The following SLC1A6 variants were observed in gnomAD, a reference collection of about 807,000 sequenced individuals.
The protein encoded by SLC1A6 is solute carrier family 1 member 6.
SLC1A6 carries 15 observed loss-of-function variants against 42.1 expected under a neutral mutation model. The observed-to-expected ratio is 0.36, with a 90% CI of 0.24 to 0.55. The LOEUF (loss-of-function observed/expected upper bound fraction) is 0.55, where lower values mean the gene tolerates loss of function less well. Ranked by LOEUF, SLC1A6 falls within the 20% of genes least tolerant of loss-of-function variation. The pLI is 0.88. For missense variants in SLC1A6, 542 were observed against 772.5 expected (o/e 0.70, Z 3.54); for synonymous variants, 317 against 319.7 (o/e 0.99, Z 0.09).
In SLC1A6 at chr19:14,956,593, A is replaced by T. The variant is rs767901446; in HGVS notation, c.1052T>A (p.Phe351Tyr). Residue 351 changes from phenylalanine (F) to tyrosine (Y), a missense_variant, in exon 7 of 10, where the codon TTC becomes TAC. Coordinates refer to ENST00000594383, the MANE Select transcript of SLC1A6 (RefSeq NM_005071.3). ...GGGAAGGACAATGCCGGCATGGAGG[A>T]ACAGGCCCACGATGACGGTCAGGGT... ...MYTLTVIVGL[F>Y]LHAGIVLPLI... The T allele has an allele frequency of 8.1e-6, 13 of 1,613,862 alleles. No homozygotes were observed. Among genetic ancestry groups the T allele is most frequent in the Non-Finnish European group, 1.1e-5 (13 of 1,179,902 alleles).
intron 8 of SLC1A6, 47 bp downstream of exon 8, chr19:14,954,088 A>T: frequency 6.3e-6 from 8 of 1,262,364 alleles, no homozygotes; most frequent in East Asian, 2.5e-5. Context: ...CAAGCTGATG[A>T]CCGCTTAAGT....
intron 4 of SLC1A6, among the ~76,000 whole-genome samples, chr19:14,967,275 C>T (rs924523759): frequency 6.6e-6 from 1 of 152,140 alleles, no homozygotes; most frequent in African/African-American, 2.4e-5. Flanking sequence ...GGAGCCTGTC[C>T]CCTTTGTCTC....
intron 5 of SLC1A6, chr19:14,963,994 T>A: frequency 7.6e-6 from 1 of 131,598 alleles, no homozygotes; most frequent in African/African-American, 3.7e-5. Flanking sequence ...TTTTTTTTAA[T>A]CTTTTTTTTT....
chr19:15,004,529 C>G (rs1010766436), intron 1 of SLC1A6, among the ~76,000 whole-genome samples: 1 of 119,146 alleles, frequency 8.4e-6, no homozygotes, highest in East Asian at 2.5e-4. Flanking sequence ...ATAGCAAGAC[C>G]TCACCTCTAC....
chr19:15,009,176 A>G (rs1035957561), intron 1 of SLC1A6, among the ~76,000 whole-genome samples: 9 of 139,944 alleles, frequency 6.4e-5, no homozygotes, highest in African/African-American at 2.7e-4. Context: ...GCATATATAT[A>G]GCATATCTAT....
Position 14,979,777 on chromosome 19 carries a change from CG to C in SLC1A6, c.-477del, listed in dbSNP as rs1392488431. 2.6e-5 allele frequency: 4 copies of C among 151,264 alleles called. No individual in the cohort carries two copies. The highest frequency in any genetic ancestry group is 4.9e-5 in the African/African-American group (2 of 41,084). 9.4% of individuals were successfully genotyped at this position (151,264 alleles called of 1,614,324 possible). On this transcript the variant is annotated 5_prime_UTR_variant, in exon 1 of 10. In the 5' UTR this introduces an upstream ATG that the reference lacks. Coordinates refer to ENST00000594383, the MANE Select transcript of SLC1A6 (RefSeq NM_005071.3). The surrounding 1 kb of genome is among the most constrained non-coding windows in gnomAD (Gnocchi z 4.2). Reference sequence around the variant, plus strand: ...GGGGGAGGGGGCGGGATCCCCTCCGCGATGCCCTCCGCCTCCCCCGCGCCCA... The same window carrying C: ...GGGGGAGGGGGCGGGATCCCCTCCGCATGCCCTCCGCCTCCCCCGCGCCCA...
chr19:14,989,366 A>G (rs910372556), intron 1 of SLC1A6, among the ~76,000 whole-genome samples: 3 of 151,954 alleles, frequency 2.0e-5, no homozygotes, highest in Non-Finnish European at 4.4e-5. Flanking sequence ...GGTTCAAGCA[A>G]TTCTCCTGCC....
At chr19:15,001,563 T>C (rs940158857) in intron 1 of SLC1A6, among the ~76,000 whole-genome samples, 2 of 152,080 alleles carry the variant, frequency 1.3e-5, no homozygotes, top group African/African-American at 4.8e-5. Context: ...GGTAAGAAAT[T>C]GGGATTCTGT....
chr19:14,954,229 T>C lies in SLC1A6; in HGVS notation c.1270A>G (p.Met424Val), dbSNP rs1268488805. ...GCCTCGTAGAGGGCAGTGCCATCCATGTTGACCGTGGCGCCCACGGGCAGG... is the reference window on the plus strand; with the variant it reads ...GCCTCGTAGAGGGCAGTGCCATCCACGTTGACCGTGGCGCCCACGGGCAGG... Reference protein sequence around the residue: ...FVLPVGATVNMDGTALYEALA... With the variant: ...FVLPVGATVNVDGTALYEALA... Residue 424 changes from methionine (M) to valine (V), a missense_variant, in exon 8 of 10, where the codon ATG (methionine) becomes GTG (valine). Around this residue, in one of 6 missense-constraint regions of SLC1A6, gnomAD observed 54 missense variants for 125.1 expected, o/e 0.43. Coordinates refer to ENST00000594383, the MANE Select transcript of SLC1A6 (RefSeq NM_005071.3). 1 of 1,614,108 alleles carries C rather than the reference T, an allele frequency of 6.2e-7. No homozygotes were observed. The highest frequency in any genetic ancestry group is 1.3e-5 in the African/African-American group (1 of 74,954).
chr19:14,983,134 C>T (rs1314634335), upstream of SLC1A6, among the ~76,000 whole-genome samples: 1 of 152,166 alleles, frequency 6.6e-6, no homozygotes, highest in Non-Finnish European at 1.5e-5. Flanking sequence ...TTTTCTGGGT[C>T]ATTTGCAGAG....
intron 7 of SLC1A6, 142 bp downstream of exon 7, chr19:14,956,334 T>C (rs2045462787): frequency 1.8e-6 from 1 of 547,526 alleles, no homozygotes; most frequent in Non-Finnish European, 3.3e-6. Flanking sequence ...GGACCCCAGG[T>C]GTTGACATTA....
intron 4 of SLC1A6, among the ~76,000 whole-genome samples, chr19:14,965,578 A>T (rs1345634402): frequency 6.6e-6 from 1 of 152,224 alleles, no homozygotes; most frequent in African/African-American, 2.4e-5. Flanking sequence ...GGCTGGGTGC[A>T]GTGGCTTACA....
At chr19:14,991,982 C>A (rs553196576) in intron 1 of SLC1A6, among the ~76,000 whole-genome samples, 1 of 152,100 alleles carries the variant, frequency 6.6e-6, no homozygotes, top group Non-Finnish European at 1.5e-5. Context: ...CCTACCACCA[C>A]GTCCAGCTAA....
intron 1 of SLC1A6, among the ~76,000 whole-genome samples, chr19:15,008,557 G>T (rs760613497): frequency 6.6e-6 from 1 of 152,030 alleles, no homozygotes; most frequent in Admixed American, 6.6e-5. Context: ...CCACTGCTGA[G>T]TATATACCTA....
At chr19:14,951,207 G>T (rs1375379227) in intron 9 of SLC1A6, among the ~76,000 whole-genome samples, 1 of 130,044 alleles carries the variant, frequency 7.7e-6, no homozygotes, top group Non-Finnish European at 1.5e-5. Flanking sequence ...AGCTGAGATC[G>T]AGCCACTGCA....
chr19:14,984,181 T>A (rs2145226936), upstream of SLC1A6, among the ~76,000 whole-genome samples: 1 of 152,190 alleles, frequency 6.6e-6, no homozygotes, highest in South Asian at 2.1e-4. Context: ...TGGTGGCGCT[T>A]GCCTGTAGTC....
intron 6 of SLC1A6, among the ~76,000 whole-genome samples, chr19:14,959,769 C>T (rs1353563874): frequency 2.0e-5 from 3 of 152,218 alleles, no homozygotes; most frequent in Non-Finnish European, 4.4e-5. Flanking sequence ...TACGTCTCCC[C>T]TCTCACTGTC....
intron 1 of SLC1A6, among the ~76,000 whole-genome samples, chr19:14,991,699 C>G (rs1029894760): frequency 6.6e-6 from 1 of 150,396 alleles, no homozygotes; most frequent in African/African-American, 2.4e-5. Context: ...ACCAAAAAAA[C>G]CTCGGTATTA....
chr19:14,969,384 G>C (rs1568290779), intron 3 of SLC1A6, among the ~76,000 whole-genome samples: 2 of 152,158 alleles, frequency 1.3e-5, no homozygotes, highest in East Asian at 1.9e-4. Flanking sequence ...AGAAACCCCA[G>C]GGGAGACCTA....
Sources: allele counts gnomAD v4.1 joint callset (sites outside exome capture counted in the v4.1 genomes callset), GRCh38; gene constraint gnomAD v4.1.1; regional missense constraint gnomAD v4.1.1; non-coding constraint Gnocchi (gnomAD v3.1); transcripts MANE v1.5; gene names NCBI Gene and HGNC (gene_info 2026-07-23, HGNC 2026-07-21).